Variants in ZNF37A observed in about 807,000 individuals in gnomAD.
The protein encoded by ZNF37A is zinc finger protein 37a (KOX 21).
Under a neutral mutation model 12.3 loss-of-function variants are expected in ZNF37A, and 10 were observed. That is an observed-to-expected ratio of 0.82 (90% CI 0.50 to 1.38). ZNF37A has a LOEUF of 1.38. ZNF37A is among the 40% of genes most tolerant of loss of function. ZNF37A has a pLI of 0.00. For missense variants in ZNF37A, 580 were observed against 651.2 expected, an observed-to-expected ratio of 0.89 and a Z score of 1.19; for synonymous variants, 207 against 223.0, an observed-to-expected ratio of 0.93 and a Z score of 0.64.
intron 5 of ZNF37A, among the ~76,000 whole-genome samples, chr10:38,098,462 A>T (rs2067317097): frequency 6.6e-6 from 1 of 152,206 alleles, no homozygotes; most frequent in Non-Finnish European, 1.5e-5. Context: ...GCAAAAAAGT[A>T]TGTTGAGTTT....
downstream of ZNF37A, among the ~76,000 whole-genome samples, chr10:38,130,442 A>T (rs142435601): frequency 7.5e-4 from 114 of 152,226 alleles, no homozygotes; most frequent in African/African-American, 2.6e-3. Flanking sequence ...AACTTCTGAG[A>T]AAACACCACA....
intron 5 of ZNF37A, among the ~76,000 whole-genome samples, chr10:38,108,272 G>A (rs962246773): frequency 1.3e-5 from 2 of 152,088 alleles, no homozygotes; most frequent in African/African-American, 4.8e-5. Context: ...ATGAAATTAA[G>A]GCAGAAATAA....
At chr10:38,138,543 T>C (rs1283660876) in intron 7 of ZNF37A, 3 of 152,348 alleles carry the variant, frequency 2.0e-5, no homozygotes, top group African/African-American at 7.2e-5. Flanking sequence ...TGTATATGCA[T>C]ACATATATGT....
Position 38,114,743 on chromosome 10 carries a change from G to T in ZNF37A, c.16-12G>T. On this transcript the variant is annotated splice_polypyrimidine_tract_variant and intron_variant, in intron 5 of 7. Coordinates refer to ENST00000685332, the MANE Select transcript of ZNF37A (RefSeq NM_001324250.3). ...TTATCACTTCAGACTGAGCAAAATT[G>T]TGATTTTCCAGGGATCAGTGTCGTT... The T allele has an allele frequency of 6.2e-7, 1 of 1,613,974 alleles. No homozygotes were observed.
rs1394671425 is a variant in ZNF37A at position 38,119,468 on chromosome 10, A to G, written c.*631A>G. On this transcript the variant is annotated 3_prime_UTR_variant, in exon 8 of 8. Transcript: ENST00000685332. The stretch of plus-strand genomic sequence containing the variant: ...TCAGTGAACATCAGATAGTAGAGAA[A>G]GTATTTTTAACTGTATCCAATGTGT... The G allele has an allele frequency of 1.1e-6, 1 of 905,776 alleles. No individual in the cohort carries two copies. Among genetic ancestry groups the G allele is most frequent in the South Asian group, 5.1e-5 (1 of 19,696 alleles). 56.1% of individuals were successfully genotyped at this position (905,776 alleles called of 1,614,324 possible).
At chr10:38,128,710 A>G (rs1208437671), downstream of ZNF37A, among the ~76,000 whole-genome samples, 3 of 152,192 alleles carry the variant, frequency 2.0e-5, no homozygotes, top group Non-Finnish European at 4.4e-5. Flanking sequence ...TGCCTCTTCC[A>G]TCCTGAGTTC....
chr10:38,131,353 A>G (rs752717186), intron 7 of ZNF37A, among the ~76,000 whole-genome samples: 3 of 152,056 alleles, frequency 2.0e-5, no homozygotes, highest in Non-Finnish European at 2.9e-5. Context: ...TCATAAATCT[A>G]TTTTGTATTA....
intron 5 of ZNF37A, among the ~76,000 whole-genome samples, chr10:38,114,500 CTAAG>C (rs1294409530): frequency 6.6e-6 from 1 of 152,096 alleles, no homozygotes; most frequent in African/African-American, 2.4e-5. Context: ...TACTCAGAAA[CTAAG>C]AAAGCTCTAG....
intron 5 of ZNF37A, among the ~76,000 whole-genome samples, chr10:38,110,067 G>A (rs1378254733): frequency 6.6e-6 from 1 of 152,172 alleles, no homozygotes; most frequent in East Asian, 1.9e-4. Context: ...AAAGCTGGAG[G>A]CATCACACTA....
chr10:38,108,057 C>T (rs1285425457), intron 5 of ZNF37A, among the ~76,000 whole-genome samples: 2 of 152,160 alleles, frequency 1.3e-5, no homozygotes, highest in Non-Finnish European at 2.9e-5. Flanking sequence ...ATAGATTCTT[C>T]TCAGCACCAC....
At chr10:38,131,210 A>G (rs966653531) in intron 7 of ZNF37A, among the ~76,000 whole-genome samples, 14 of 152,076 alleles carry the variant, frequency 9.2e-5, no homozygotes, top group African/African-American at 3.4e-4. Flanking sequence ...CTTAATTTTG[A>G]TCAAGTCCAA....
chr10:38,145,913 A>C (rs949364522), intron 7 of ZNF37A, among the ~76,000 whole-genome samples: 1 of 152,214 alleles, frequency 6.6e-6, no homozygotes, highest in Non-Finnish European at 1.5e-5. Context: ...AGCCTGGTCA[A>C]CTATGGTGAA....
chr10:38,108,404 T>A (rs1349497648), intron 5 of ZNF37A, among the ~76,000 whole-genome samples: 4 of 152,020 alleles, frequency 2.6e-5, no homozygotes, highest in African/African-American at 4.8e-5. Flanking sequence ...GTAGGAAAGA[T>A]CTAAAATAGA....
At chr10:38,127,538 A>T (rs897288433), downstream of ZNF37A, among the ~76,000 whole-genome samples, 1 of 152,172 alleles carries the variant, frequency 6.6e-6, no homozygotes, top group African/African-American at 2.4e-5. Flanking sequence ...TCAGGTGGTG[A>T]ATTTCTCTAA....
At chr10:38,129,683 A>G (rs549626011), downstream of ZNF37A, among the ~76,000 whole-genome samples, 1 of 152,344 alleles carries the variant, frequency 6.6e-6, no homozygotes, top group Admixed American at 6.5e-5. Flanking sequence ...AACTGCCATT[A>G]GAGATTTCAT....
downstream of ZNF37A, among the ~76,000 whole-genome samples, chr10:38,127,598 A>T (rs553256151): frequency 1.3e-5 from 2 of 152,286 alleles, no homozygotes; most frequent in South Asian, 4.1e-4. Flanking sequence ...GTTTGTTAGT[A>T]GAACACCTGG....
downstream of ZNF37A, among the ~76,000 whole-genome samples, chr10:38,129,463 C>G (rs1413654200): frequency 6.6e-6 from 1 of 151,794 alleles, no homozygotes; most frequent in African/African-American, 2.4e-5. Flanking sequence ...TCTGCTGTTC[C>G]CTTCTTTGTG....
At chr10:38,148,585 C>A (rs1426413936) in exon 8 of ZNF37A, 4 of 152,144 alleles carry the variant, frequency 2.6e-5, no homozygotes, top group African/African-American at 7.2e-5. Context: ...TATGAAAAAC[C>A]AAGAGGGATG....
chr10:38,096,074 G>A lies in ZNF37A; in HGVS notation c.-45+270G>A, dbSNP rs1012827984. On this transcript the variant is annotated intron_variant, in intron 4 of 7. Transcript: ENST00000685332. ...GGTGGTGCGCACCTGTAGTCCCAGC[G>A]ACTTGGGAGGCTGAGGCAGGAGGTT... Among the ~76,000 whole-genome samples the A allele has an allele frequency of 2.6e-5, 4 of 151,994 alleles. No homozygotes were observed. In the South Asian group the frequency reaches 6.2e-4, roughly 24 times the overall value.
Sources: allele counts gnomAD v4.1 joint callset (sites outside exome capture counted in the v4.1 genomes callset), GRCh38; gene constraint gnomAD v4.1.1; transcripts MANE v1.5; gene names NCBI Gene and HGNC (gene_info 2026-07-23, HGNC 2026-07-21).